DCAF7: variants seen among roughly 807,000 people sequenced by gnomAD.
DCAF7 encodes DDB1- and CUL4-associated factor 7.
A neutral mutation model predicts 41.2 loss-of-function variants in DCAF7; 4 were observed. That is an observed-to-expected ratio of 0.10 (90% CI 0.05 to 0.22). DCAF7 has a LOEUF of 0.22. Among genes scored for constraint, DCAF7 ranks in the 10% least tolerant of loss-of-function variants. The probability of loss-of-function intolerance (pLI) is 1.00; values close to 1 mark genes in which losing one functional copy is unlikely to be tolerated. For synonymous variants in DCAF7, 143 were observed against 164.2 expected (o/e 0.87, Z 0.99); for missense variants, 131 against 443.2 (o/e 0.30, Z 6.32).
In DCAF7 at chr17:63,589,843, G is replaced by A. The variant is rs2033716114; in HGVS notation, c.*671G>A. 1.3e-5 allele frequency: 2 copies of A among 154,094 alleles called. No individual in the cohort carries two copies. The highest frequency in any genetic ancestry group is 1.9e-4 in the East Asian group (1 of 5,200). 9.5% of individuals were successfully genotyped at this position (154,094 alleles called of 1,614,324 possible). ...GCCTGTGTAGTACATACCTGACCGG[G>A]AGTCCAAACCACCTTGGTGCTCTGA... On this transcript the variant is annotated 3_prime_UTR_variant, in exon 7 of 7. Transcript: ENST00000614556.
At chr17:63,559,358 T>TAC (rs1491197637) in intron 1 of DCAF7, among the ~76,000 whole-genome samples, 2 of 130,154 alleles carry the variant, frequency 1.5e-5, no homozygotes, top group Admixed American at 8.0e-5. Flanking sequence ...CGTATATATA[T>TAC]GTATGTATAT....
chr17:63,586,297 TA>T (rs751865873), intron 6 of DCAF7, among the ~76,000 whole-genome samples: 1 of 151,202 alleles, frequency 6.6e-6, no homozygotes, highest in Non-Finnish European at 1.5e-5. Context: ...TACAGAAAGT[TA>T]AAAAAAGACT....
chr17:63,581,669 GAGA>G (rs751278367), intron 4 of DCAF7, among the ~76,000 whole-genome samples: 2 of 152,236 alleles, frequency 1.3e-5, no homozygotes, highest in African/African-American at 2.4e-5. Context: ...TTGTGACACA[GAGA>G]AGAAGAGCAG....
rs756676747 is a variant in DCAF7, at chr17:63,550,830, G to A, written c.138+15G>A. 1.2e-6 allele frequency: 2 copies of A among 1,611,492 alleles called. No homozygotes were observed. The highest frequency in any genetic ancestry group is 1.7e-5 in the Admixed American group (1 of 59,812). ...ACAACAACAAGGTGGGCCGGGCAGG[G>A]GCTCGGAACCCAGCTGGCGGGGAGC... On this transcript the variant is annotated intron_variant, in intron 1 of 6. Coordinates refer to ENST00000614556, the MANE Select transcript of DCAF7 (RefSeq NM_005828.5). This position sits in a 1 kb window ranked among gnomAD's most constrained non-coding sequence, Gnocchi z 4.8.
chr17:63,563,966 G>T (rs1318231469), intron 1 of DCAF7, among the ~76,000 whole-genome samples: 2 of 152,070 alleles, frequency 1.3e-5, no homozygotes, highest in East Asian at 3.8e-4. Context: ...CCATTATTTT[G>T]TCAAATTAAT....
Position 63,593,984 on chromosome 17 carries a change from C to T in DCAF7, c.*4812C>T, listed in dbSNP as rs1217638605. On this transcript the variant is annotated 3_prime_UTR_variant, in exon 7 of 7. Transcript: ENST00000614556. ...GTAGAGGAAGCTGCCCCTTGCAGAA[C>T]TGTACTGTAATATTTTTCTTTTATA... 23 of 152,648 alleles carry T rather than the reference C, an allele frequency of 1.5e-4. No homozygotes were observed. The highest frequency in any genetic ancestry group is 1.5e-3 in the Admixed American group (23 of 15,288). 9.5% of individuals were successfully genotyped at this position (152,648 alleles called of 1,614,324 possible).
rs1295895679 is a variant in DCAF7, at chr17:63,592,735, A to C, written c.*3563A>C. The C allele has an allele frequency of 1.3e-5, 2 of 152,206 alleles. No individual in the cohort carries two copies. The highest frequency in any genetic ancestry group is 2.9e-5 in the Non-Finnish European group (2 of 68,102). 9.4% of individuals were successfully genotyped at this position (152,206 alleles called of 1,614,324 possible). ...AATTGGGCATCCGTGATGCTAGGTA[A>C]CTGTGGGAACAAAATGACAGCTTAG... On this transcript the variant is annotated 3_prime_UTR_variant, in exon 7 of 7. Transcript: ENST00000614556.
intron 1 of DCAF7, among the ~76,000 whole-genome samples, chr17:63,565,189 C>T (rs2033427536): frequency 6.6e-6 from 1 of 152,108 alleles, no homozygotes; most frequent in Non-Finnish European, 1.5e-5. Context: ...TATCCACAAC[C>T]CAGTAGAAAA....
At chr17:63,585,381 CTTGGCTCCT>C in intron 6 of DCAF7, 53 bp downstream of exon 6, 1 of 1,477,408 alleles carries the variant, frequency 6.8e-7, no homozygotes, top group South Asian at 1.1e-5. Context: ...AATCTGTTCT[CTTGGCTCCT>C]TAGAATTGTA....
At chr17:63,576,971 A>C (rs1379410955) in intron 1 of DCAF7, among the ~76,000 whole-genome samples, 1 of 152,258 alleles carries the variant, frequency 6.6e-6, no homozygotes, top group Non-Finnish European at 1.5e-5. Context: ...CAGCAGTAAG[A>C]AAAGAAGCAA....
At chr17:63,575,683 GTC>G (rs1305053718) in intron 1 of DCAF7, among the ~76,000 whole-genome samples, 1 of 152,078 alleles carries the variant, frequency 6.6e-6, no homozygotes, top group Non-Finnish European at 1.5e-5. Flanking sequence ...GCGAGACTCT[GTC>G]TGAAAAAAAA....
chr17:63,558,632 G>T (rs2033336110), intron 1 of DCAF7, among the ~76,000 whole-genome samples: 3 of 152,158 alleles, frequency 2.0e-5, no homozygotes, highest in South Asian at 2.1e-4. Context: ...CAAACTCCTG[G>T]GCTTAATCAG....
chr17:63,554,681 G>T (rs764504924), intron 1 of DCAF7, among the ~76,000 whole-genome samples: 1 of 152,212 alleles, frequency 6.6e-6, no homozygotes, highest in Non-Finnish European at 1.5e-5. Flanking sequence ...CTTGTTCAAA[G>T]ATTAAATGAG....
At chr17:63,551,965 C>T (rs2033262250) in intron 1 of DCAF7, among the ~76,000 whole-genome samples, 1 of 137,532 alleles carries the variant, frequency 7.3e-6, no homozygotes, top group Non-Finnish European at 1.5e-5. Flanking sequence ...GTAGTCCCAG[C>T]TACTCGGAAG....
At chr17:63,584,939 C>T (rs1001295362) in intron 5 of DCAF7, among the ~76,000 whole-genome samples, 8 of 152,198 alleles carry the variant, frequency 5.3e-5, no homozygotes, top group African/African-American at 1.9e-4. Context: ...ACCACATGCA[C>T]CTGCTGGGAC....
intron 4 of DCAF7, among the ~76,000 whole-genome samples, chr17:63,582,293 C>T (rs79803414): frequency 0.98 from 148,795 of 152,256 alleles, 72,720 homozygotes; most frequent in Middle Eastern, 1. Context: ...TTTGGCAGTG[C>T]CCCTCTGTAG....
In DCAF7 at chr17:63,578,644, A is replaced by AAT; in HGVS notation, c.297+16_297+17insAT. 1 of 1,613,848 alleles carries AAT rather than the reference A, an allele frequency of 6.2e-7. No individual in the cohort carries two copies. The highest frequency in any genetic ancestry group is 8.5e-7 in the Non-Finnish European group (1 of 1,179,722). On this transcript the variant is annotated intron_variant, in intron 2 of 6. Transcript: ENST00000614556. ...TGTGTGGAGGGTAAGCGGATGCTTT[A>AAT]TTAGCAGCCAGACAAGTGGGCTTTC...
At chr17:63,576,187 A>G (rs1007296902) in intron 1 of DCAF7, among the ~76,000 whole-genome samples, 1 of 152,240 alleles carries the variant, frequency 6.6e-6, no homozygotes, top group Non-Finnish European at 1.5e-5. Context: ...CACGCCTGTA[A>G]TCCTAGCACT....
chr17:63,586,352 G>A (rs2033676645), intron 6 of DCAF7, among the ~76,000 whole-genome samples: 2 of 151,796 alleles, frequency 1.3e-5, no homozygotes, highest in South Asian at 2.1e-4. Flanking sequence ...GCTACTTAGA[G>A]GCTGAGGTGA....
Sources: gnomAD v4.1 joint callset for allele counts (sites outside exome capture counted in the v4.1 genomes callset) on GRCh38, gnomAD v4.1.1 for gene constraint, Gnocchi (gnomAD v3.1) non-coding constraint, MANE v1.5 for transcripts, NCBI Gene and HGNC (gene_info 2026-07-23, HGNC 2026-07-21) for gene names.